RAD17: variants seen among roughly 807,000 people sequenced by gnomAD.
RAD17 encodes RAD17 checkpoint clamp loader component.
RAD17 carries 31 observed loss-of-function variants against 81.5 expected under a neutral mutation model. The observed-to-expected ratio is 0.38, with a 90% CI of 0.29 to 0.51. RAD17 has a LOEUF of 0.51. RAD17 is among the 20% of genes least tolerant of loss of function. RAD17 has a pLI of 0.88. For missense variants in RAD17, 681 were observed against 781.2 expected, an observed-to-expected ratio of 0.87 and a Z score of 1.53; for synonymous variants, 261 against 266.2, an observed-to-expected ratio of 0.98 and a Z score of 0.19.
intron 13 of RAD17, among the ~76,000 whole-genome samples, chr5:69,392,296 T>G (rs1028597203): frequency 3.3e-5 from 5 of 152,174 alleles, no homozygotes; most frequent in African/African-American, 1.2e-4. Context: ...CATCTAGACT[T>G]GTAGTGGCAA....
Position 69,396,524 on chromosome 5 carries a change from A to C in RAD17, c.1550A>C (p.Gln517Pro). The change falls in exon 16 of 19, where the codon CAG becomes CCG. Residue 517 changes from glutamine (Q) to proline (P), a missense_variant. By Grantham distance (76) the Gln-to-Pro change is moderately conservative. Transcript: ENST00000354868. ...AGTTTTCGACCCTTGCACAAACCTC[A>C]GTGGTTTCTAATAAATAAAAAGGTA... ...GSSFRPLHKP[Q>P]WFLINKKYRE... The C allele has an allele frequency of 6.3e-7, 1 of 1,583,340 alleles. No individual in the cohort carries two copies.
intron 15 of RAD17, among the ~76,000 whole-genome samples, chr5:69,394,080 C>T (rs1241654404): frequency 2.9e-5 from 4 of 138,862 alleles, no homozygotes; most frequent in African/African-American, 5.4e-5. Context: ...TTCGAGACAG[C>T]GTCTTACTTT....
intron 6 of RAD17, among the ~76,000 whole-genome samples, chr5:69,377,709 A>T (rs1261436588): frequency 3.3e-5 from 3 of 91,866 alleles, no homozygotes; most frequent in Admixed American, 1.3e-4. Flanking sequence ...ATATATATGT[A>T]TTGGGAAAAG....
Position 69,369,889 on chromosome 5 carries a change from G to A in RAD17, c.-461G>A. ...TGCCCTTTCACCTAGGGTAGTCCCT[G>A]GTCGCCTCCGCTCTTCGCCTAAAAG... On this transcript the variant is annotated 5_prime_UTR_variant, in exon 1 of 19. Coordinates refer to ENST00000354868, the MANE Select transcript of RAD17 (RefSeq NM_133338.3). 1.7e-6 allele frequency: 1 copy of A among 603,120 alleles called. No homozygotes were observed. Among genetic ancestry groups the A allele is most frequent in the Non-Finnish European group, 2.9e-6 (1 of 344,822 alleles). 37.4% of individuals were successfully genotyped at this position (603,120 alleles called of 1,614,324 possible).
At chr5:69,377,476 C>T (rs199776592) in intron 6 of RAD17, among the ~76,000 whole-genome samples, 382 of 7,162 alleles carry the variant, frequency 0.053, 45 homozygotes, top group South Asian at 0.1. Flanking sequence ...TATATATATA[C>T]ACACACACAC....
intron 17 of RAD17, among the ~76,000 whole-genome samples, chr5:69,402,881 C>G (rs2150868151): frequency 6.6e-6 from 1 of 152,194 alleles, no homozygotes. Flanking sequence ...TCTGCACTTG[C>G]CAAAAACAAG....
chr5:69,381,690 G>A (rs573599781), intron 6 of RAD17, among the ~76,000 whole-genome samples: 4 of 152,102 alleles, frequency 2.6e-5, no homozygotes, highest in East Asian at 1.9e-4. Context: ...AGATGTTTTT[G>A]TATGGAAAAG....
chr5:69,386,269 A>G lies in RAD17; in HGVS notation c.788A>G (p.Lys263Arg), dbSNP rs768109095. The G allele has an allele frequency of 4.2e-5, 67 of 1,606,542 alleles. No individual in the cohort carries two copies. The highest frequency in any genetic ancestry group is 1.2e-4 in the Admixed American group (7 of 59,694). ...AATAATCAAAGGTTATTGTTTCCCA[A>G]AGAAATTCAGGAAGAGTGTTCTATC... ...GDNNQRLLFP[K>R]EIQEECSISN... Residue 263 changes from lysine to arginine, a missense_variant, in exon 10 of 19, where the codon AAA becomes AGA. Physicochemically the swap from Lys to Arg is conservative, Grantham distance 26 (BLOSUM62 2). Transcript: ENST00000354868.
At position 69,410,492 on chromosome 5, in the gene RAD17, G is replaced by C; in HGVS notation, c.1694-1G>C. On this transcript the variant is annotated splice_acceptor_variant, in intron 17 of 18. Coordinates refer to ENST00000354868, the MANE Select transcript of RAD17 (RefSeq NM_133338.3). LOFTEE classifies it high-confidence loss of function. The stretch of plus-strand genomic sequence containing the variant: ...TACAACTTTTAAAAAATCTGTTTCA[G>C]CTCAGATTTCTTTTATCCAAGATAT... The C allele has an allele frequency of 6.2e-7, 1 of 1,611,080 alleles. No homozygotes were observed. The highest frequency in any genetic ancestry group is 8.5e-7 in the Non-Finnish European group (1 of 1,178,194).
chr5:69,371,704 T>C (rs147043107), intron 3 of RAD17, 147 bp downstream of exon 3: 57 of 466,018 alleles, frequency 1.2e-4, no homozygotes, highest in Non-Finnish European at 1.8e-4. Context: ...TGGTAATAAG[T>C]TGTGAAACAA....
chr5:69,385,390 T>G (rs1764147975), intron 8 of RAD17, among the ~76,000 whole-genome samples: 1 of 148,506 alleles, frequency 6.7e-6, no homozygotes, highest in Admixed American at 6.8e-5. Context: ...TGCCTCAGCC[T>G]CCCCCGAGTA....
At chr5:69,369,577 G>C (rs1329143363), upstream of RAD17, 3 of 1,604,618 alleles carry the variant, frequency 1.9e-6, no homozygotes, top group South Asian at 1.1e-5. Flanking sequence ...GGCAGCAAAA[G>C]CCCACGGCCC....
rs1441258471 is a variant in RAD17 at position 69,385,207 on chromosome 5, A to T, written c.645+274A>T. Among the ~76,000 whole-genome samples, 3 of 147,920 alleles carry T rather than the reference A, an allele frequency of 2.0e-5. No individual in the cohort carries two copies. The South Asian group carries it at 6.5e-4, about 32-fold the overall frequency. On this transcript the variant is annotated intron_variant, in intron 8 of 18. Transcript: ENST00000354868. ...GATCTCCTGACCTCATGATATGCCC[A>T]CCGTGGCCTCCCAAAGTGCTGGGAT... is the stretch of plus-strand genomic sequence containing the variant.
Position 69,377,550 on chromosome 5 carries a change from C to CATAT in RAD17, c.351+2844_351+2847dup, listed in dbSNP as rs376337768. ...ATGTGTATATATACGTATATATATG[C>CATAT]ATATATATGTATATATATATGCATA... is the stretch of plus-strand genomic sequence containing the variant. On this transcript the variant is annotated intron_variant, in intron 6 of 18. Coordinates refer to ENST00000354868, the MANE Select transcript of RAD17 (RefSeq NM_133338.3). Among the ~76,000 whole-genome samples, 9 of 5,126 alleles carry CATAT rather than the reference C, an allele frequency of 1.8e-3. 1 individual carries two copies. The East Asian group carries it at 0.049, about 28-fold the overall frequency. The allele number at this position is 5,126 out of a possible 152,430, so 3.4% of individuals were successfully genotyped here. A position where few individuals can be genotyped will look rare whatever the true frequency, so the allele number is the denominator to read the frequency against.
intron 6 of RAD17, among the ~76,000 whole-genome samples, chr5:69,381,342 G>A (rs1304115488): frequency 1.3e-5 from 2 of 151,988 alleles, no homozygotes; most frequent in African/African-American, 2.4e-5. Flanking sequence ...TTAGCCGGGC[G>A]TGGTGGCGGG....
At chr5:69,410,654 A>T in intron 18 of RAD17, 104 bp downstream of exon 18, 1 of 1,029,876 alleles carries the variant, frequency 9.7e-7, no homozygotes, top group Non-Finnish European at 1.5e-6. Context: ...AGAAAGACAT[A>T]CTGTACCTAG....
chr5:69,403,977 A>G (rs1765434004), intron 17 of RAD17, among the ~76,000 whole-genome samples: 1 of 151,512 alleles, frequency 6.6e-6, no homozygotes, highest in African/African-American at 2.4e-5. Context: ...GATAAGTTAT[A>G]TGGTAGATTA....
intron 7 of RAD17, 94 bp downstream of exon 7, chr5:69,382,151 A>G: frequency 7.2e-7 from 1 of 1,387,834 alleles, no homozygotes; most frequent in South Asian, 1.3e-5. Context: ...TTTTTCCCAT[A>G]CTTCTTGCTT....
At chr5:69,397,178 C>T (rs1764946014) in intron 16 of RAD17, among the ~76,000 whole-genome samples, 1 of 151,514 alleles carries the variant, frequency 6.6e-6, no homozygotes, top group Non-Finnish European at 1.5e-5. Flanking sequence ...GAGTCGTTCT[C>T]TTGCCTAGGC....
Sources: gnomAD v4.1 joint callset for allele counts (sites outside exome capture counted in the v4.1 genomes callset) on GRCh38, gnomAD v4.1.1 for gene constraint, MANE v1.5 for transcripts, NCBI Gene and HGNC (gene_info 2026-07-23, HGNC 2026-07-21) for gene names.